Variants in SZT2 observed in about 807,000 individuals in gnomAD.
The protein encoded by SZT2 is SZT2 subunit of KICSTOR complex.
In SZT2, 216 loss-of-function variants were observed where a neutral mutation model predicts 404.2. The ratio of observed to expected loss-of-function variants is 0.53; its 90% CI spans 0.48 to 0.60. The LOEUF is 0.60. SZT2 is among the 20% of genes least tolerant of loss of function. The probability of loss-of-function intolerance (pLI) is 0.00; values close to 1 mark genes in which losing one functional copy is unlikely to be tolerated. For synonymous variants in SZT2, 1,693 were observed against 1,749.9 expected, an observed-to-expected ratio of 0.97 and a Z score of 0.81; for missense variants, 3,857 against 4,459.2, an observed-to-expected ratio of 0.86 and a Z score of 3.85.
intron 1 of SZT2, among the ~76,000 whole-genome samples, chr1:43,396,014 A>G (rs895122510): frequency 1.2e-4 from 18 of 152,214 alleles, no homozygotes; most frequent in African/African-American, 4.3e-4. Flanking sequence ...TATGTGTCCA[A>G]AAAAGCCAGG....
rs762088595 is a variant in SZT2, at chr1:43,424,760, G to T, written c.2472-24G>T. ...TCTCTTCTTCCCTTATCCTGGCCTT[G>T]CCCCGGCCTTTATGGGGCTTCAGAG... On this transcript the variant is annotated intron_variant, in intron 16 of 71. Coordinates refer to ENST00000634258, the MANE Select transcript of SZT2 (RefSeq NM_001365999.1). The surrounding 1 kb of genome is among the most constrained non-coding windows in gnomAD (Gnocchi z 4.1). The T allele has an allele frequency of 3.1e-6, 5 of 1,607,500 alleles. No homozygotes were observed. Among genetic ancestry groups the T allele is most frequent in the African/African-American group, 2.7e-5 (2 of 74,770 alleles).
intron 40 of SZT2, among the ~76,000 whole-genome samples, chr1:43,433,642 C>T (rs1465869011): frequency 2.0e-5 from 3 of 152,214 alleles, no homozygotes; most frequent in South Asian, 2.1e-4. Context: ...ATTAGTTGGG[C>T]GTGGTGGCAG....
Position 43,389,961 on chromosome 1 carries a change from G to T in SZT2, c.-8G>T. Reference sequence around the variant, plus strand: ...CACTGGCCCGGGCCGGCGCGGGAGGGCTGTGTGATGGCCTCGGAGCGCCCG... The same window carrying T: ...CACTGGCCCGGGCCGGCGCGGGAGGTCTGTGTGATGGCCTCGGAGCGCCCG... On this transcript the variant is annotated 5_prime_UTR_variant, in exon 1 of 72. Transcript: ENST00000634258. 2 of 1,435,432 alleles carry T rather than the reference G, an allele frequency of 1.4e-6. No individual in the cohort carries two copies. The highest frequency in any genetic ancestry group is 1.8e-6 in the Non-Finnish European group (2 of 1,095,502). The allele number at this position is 1,435,432 out of a possible 1,614,324, so 88.9% of individuals were successfully genotyped here. A position where few individuals can be genotyped will look rare whatever the true frequency, so the allele number is the denominator to read the frequency against.
intron 4 of SZT2, chr1:43,405,188 T>G (rs1353902126): frequency 6.6e-6 from 1 of 152,268 alleles, no homozygotes; most frequent in African/African-American, 2.4e-5. Flanking sequence ...ATTTATTTAT[T>G]TTTAGTAGAG....
At chr1:43,401,348 T>C (rs925366869) in intron 1 of SZT2, among the ~76,000 whole-genome samples, 4 of 152,222 alleles carry the variant, frequency 2.6e-5, no homozygotes, top group Non-Finnish European at 5.9e-5. Flanking sequence ...AAGGAGGACA[T>C]TGAAGCTTAA....
Position 43,450,759 on chromosome 1 carries a change from C to A in SZT2, c.*279C>A. 1.4e-6 allele frequency: 1 copy of A among 696,302 alleles called. No individual in the cohort carries two copies. Among genetic ancestry groups the A allele is most frequent in the Non-Finnish European group, 2.6e-6 (1 of 380,432 alleles). The allele number at this position is 696,302 out of a possible 1,614,324, so 43.1% of individuals were successfully genotyped here. A position where few individuals can be genotyped will look rare whatever the true frequency, so the allele number is the denominator to read the frequency against. On this transcript the variant is annotated 3_prime_UTR_variant, in exon 72 of 72. Coordinates refer to ENST00000634258, the MANE Select transcript of SZT2 (RefSeq NM_001365999.1). This position sits in a 1 kb window ranked among gnomAD's most constrained non-coding sequence, Gnocchi z 4.3. ...GGCCCTTCTGGGGTACTCCTTTCGG[C>A]CCCCCTGGTAGAGTCTCGGGAGTTC...
At position 43,437,843 on chromosome 1, in the gene SZT2, G is replaced by A. The variant is rs774595821; in HGVS notation, c.6449G>A (p.Arg2150His). ...TCTAGCCGCAGTTCAGATGCTGCTC[G>A]TCCTGTGGGCCAAGTGGACAGACAT... is the stretch of plus-strand genomic sequence containing the variant. ...MVSSRSSDAA[R>H]PVGQVDRHIQ... Residue 2150 changes from arginine to histidine, a missense_variant, in exon 46 of 72, where the codon CGT becomes CAT. Arg to His is a conservative substitution (Grantham distance 29, BLOSUM62 0). Coordinates refer to ENST00000634258, the MANE Select transcript of SZT2 (RefSeq NM_001365999.1). This position sits in a 1 kb window ranked among gnomAD's most constrained non-coding sequence, Gnocchi z 5.3. 30 of 1,614,052 alleles carry A rather than the reference G, an allele frequency of 1.9e-5. No homozygotes were observed. The highest frequency in any genetic ancestry group is 1.6e-4 in the Middle Eastern group (1 of 6,084).
rs1473898857 is a variant in SZT2, at chr1:43,416,050, A to C, written c.721A>C (p.Ile241Leu). The C allele has an allele frequency of 1.9e-6, 3 of 1,598,360 alleles. No homozygotes were observed. Among genetic ancestry groups the C allele is most frequent in the Non-Finnish European group, 2.5e-6 (3 of 1,179,800 alleles). The change falls in exon 6 of 72, where the codon ATT becomes CTT. Residue 241 changes from isoleucine (I) to leucine (L), a missense_variant. Physicochemically the swap from Ile to Leu is conservative, Grantham distance 5. This residue lies in a region of SZT2 where 536 missense variants were observed against 637.4 expected (regional missense o/e 0.84). Transcript: ENST00000634258. The stretch of plus-strand genomic sequence containing the variant: ...AGCTGATCTTGGGCTGGTCAGTATG[A>C]TTCGTCAGGGCATCTTGGCACTGCA... ...VTADLGLVSM[I>L]RQGILALQLL... is the part of the protein sequence containing the mutation.
rs1418787014 is a variant in SZT2 at position 43,420,130 on chromosome 1, C to T, written c.1091-23C>T. On this transcript the variant is annotated intron_variant, in intron 8 of 71. Coordinates refer to ENST00000634258, the MANE Select transcript of SZT2 (RefSeq NM_001365999.1). This position sits in a 1 kb window ranked among gnomAD's most constrained non-coding sequence, Gnocchi z 5.1. Reference sequence around the variant, plus strand: ...GTTGGCAGATAACCAGTTTCTCCTTCCCCATCTCCACTGGTCTTCCAGGCT... The same window carrying T: ...GTTGGCAGATAACCAGTTTCTCCTTTCCCATCTCCACTGGTCTTCCAGGCT... 1 of 1,596,626 alleles carries T rather than the reference C, an allele frequency of 6.3e-7. No homozygotes were observed. The highest frequency in any genetic ancestry group is 1.7e-5 in the Admixed American group (1 of 59,916).
At chr1:43,396,145 T>C (rs559663139) in intron 1 of SZT2, among the ~76,000 whole-genome samples, 1 of 152,328 alleles carries the variant, frequency 6.6e-6, no homozygotes, top group South Asian at 2.1e-4. Flanking sequence ...GAGTATTATG[T>C]TCCATTCTGG....
chr1:43,418,091 G>C (rs184386374), intron 7 of SZT2, among the ~76,000 whole-genome samples: 128 of 152,284 alleles, frequency 8.4e-4, no homozygotes, highest in African/African-American at 2.9e-3. Flanking sequence ...ATCTTTTTCA[G>C]AGCCATTTTA....
chr1:43,403,908 G>A, intron 3 of SZT2, 134 bp downstream of exon 3: 1 of 1,036,322 alleles, frequency 9.6e-7, no homozygotes, highest in Non-Finnish European at 1.4e-6. Context: ...AGGAATGATG[G>A]GTGTTTAAAA....
Position 43,453,627 on chromosome 1 carries a change from C to T in SZT2, c.*3147C>T, listed in dbSNP as rs551641144. 1.8e-3 allele frequency: 2,706 copies of T among 1,496,150 alleles called. 4 individuals carry two copies. The highest frequency in any genetic ancestry group is 2.2e-3 in the Non-Finnish European group (2,486 of 1,128,570). The allele number at this position is 1,496,150 out of a possible 1,614,324, so 92.7% of individuals were successfully genotyped here. A position where few individuals can be genotyped will look rare whatever the true frequency, so the allele number is the denominator to read the frequency against. On this transcript the variant is annotated 3_prime_UTR_variant, in exon 72 of 72. Coordinates refer to ENST00000634258, the MANE Select transcript of SZT2 (RefSeq NM_001365999.1). ...CGTGTTGATCAGTACAAGCCGCAGC[C>T]CCGCTTCTCGCGCGGCGCGCGCCAG...
In SZT2 at chr1:43,448,290, C is replaced by T. The variant is rs1005930319; in HGVS notation, c.9775C>T (p.Arg3259Ter). 1 of 1,560,676 alleles carries T rather than the reference C, an allele frequency of 6.4e-7. No homozygotes were observed. Among genetic ancestry groups the T allele is most frequent in the Admixed American group, 1.9e-5 (1 of 51,982 alleles). Residue 3259 changes from arginine (R) to a stop codon, truncating the protein, a stop_gained, in exon 69 of 72, where the codon CGA (arginine) becomes TGA (stop). Transcript: ENST00000634258. LOFTEE classifies it high-confidence loss of function. The surrounding 1 kb of genome is among the most constrained non-coding windows in gnomAD (Gnocchi z 4.2). ...ACTGGCTGCAGAGGTGGGCATGGCA[C>T]GAGCACGGCTGGCTCAGCTGGTGCG... Reference protein sequence around the residue: ...PPLAAEVGMARARLAQLVRLA... With the variant: ...PPLAAEVGMA
Position 43,425,308 on chromosome 1 carries a change from A to G in SZT2, c.2645+101A>G. The G allele has an allele frequency of 2.0e-6, 3 of 1,531,396 alleles. No individual in the cohort carries two copies. The highest frequency in any genetic ancestry group is 2.7e-6 in the Non-Finnish European group (3 of 1,118,724). The allele number at this position is 1,531,396 out of a possible 1,614,324, so 94.9% of individuals were successfully genotyped here. A position where few individuals can be genotyped will look rare whatever the true frequency, so the allele number is the denominator to read the frequency against. On this transcript the variant is annotated intron_variant, in intron 18 of 71. Transcript: ENST00000634258. This position sits in a 1 kb window ranked among gnomAD's most constrained non-coding sequence, Gnocchi z 4.3. ...CATATCCTGAGATGATCTTGATCCC[A>G]AAGTCAGGGAGGGGGTGCGGTGTTT...
At chr1:43,394,411 G>T (rs969298449) in intron 1 of SZT2, among the ~76,000 whole-genome samples, 5 of 152,140 alleles carry the variant, frequency 3.3e-5, no homozygotes, top group African/African-American at 1.2e-4. Context: ...GGTCTGGGGT[G>T]GTGCCTGGGA....
In SZT2 at chr1:43,430,570, T is replaced by C. The variant is rs768195185; in HGVS notation, c.4555T>C (p.Ser1519Pro). The change falls in exon 32 of 72, where the codon TCA becomes CCA. Residue 1519 changes from serine to proline, a missense_variant. Coordinates refer to ENST00000634258, the MANE Select transcript of SZT2 (RefSeq NM_001365999.1). ...GGTAGAATACCGGGAGAGCCGTGAATCAGACCTGGGGCCTGCTGGGCTAGA... is the reference window on the plus strand; with the variant it reads ...GGTAGAATACCGGGAGAGCCGTGAACCAGACCTGGGGCCTGCTGGGCTAGA... ...LEVEYRESRE[S>P]DLGPAGLDSA... The C allele has an allele frequency of 6.2e-7, 1 of 1,614,136 alleles. No homozygotes were observed. The highest frequency in any genetic ancestry group is 1.7e-5 in the Admixed American group (1 of 60,014).
chr1:43,432,938 T>A, intron 39 of SZT2, 51 bp from the exon 40 acceptor site: 1 of 1,605,258 alleles, frequency 6.2e-7, no homozygotes, highest in South Asian at 1.1e-5. Context: ...GAGGATCAGA[T>A]GAGTCAGGCC....
intron 7 of SZT2, among the ~76,000 whole-genome samples, chr1:43,417,357 G>A (rs1205717633): frequency 6.6e-6 from 1 of 152,012 alleles, no homozygotes; most frequent in Non-Finnish European, 1.5e-5. Flanking sequence ...AGAGAGAAGC[G>A]GGCTTAAAGT....
Sources: gnomAD v4.1 joint callset for allele counts (sites outside exome capture counted in the v4.1 genomes callset) on GRCh38, gnomAD v4.1.1 for gene constraint, gnomAD v4.1.1 regional missense constraint, Gnocchi (gnomAD v3.1) non-coding constraint, MANE v1.5 for transcripts, NCBI Gene and HGNC (gene_info 2026-07-23, HGNC 2026-07-21) for gene names.